Variants in LRRC37A2 observed in about 807,000 individuals in gnomAD.
LRRC37A2 encodes the protein leucine rich repeat containing 37 member A2.
Under a neutral mutation model 68.8 loss-of-function variants are expected in LRRC37A2, and 9 were observed. The observed-to-expected ratio is 0.13, with a 90% CI of 0.08 to 0.23. The LOEUF (loss-of-function observed/expected upper bound fraction) is 0.23. LRRC37A2 is among the 10% of genes least tolerant of loss of function. LRRC37A2 has a pLI of 1.00. For synonymous variants in LRRC37A2, 63 were observed against 367.6 expected (o/e 0.17, Z 9.48); for missense variants, 168 against 950.4 (o/e 0.18, Z 10.82).
chr17:46,760,356 AGGCAGGGT>A, the LRRC37A2 span, among the ~76,000 whole-genome samples: 1 of 152,088 alleles, frequency 6.6e-6, no homozygotes, highest in Non-Finnish European at 1.5e-5. Context: ...AGTACTGGCC[AGGCAGGGT>A]GGCTCATGCC....
chr17:46,742,997 TTCC>T, the LRRC37A2 span, among the ~76,000 whole-genome samples: 2 of 152,094 alleles, frequency 1.3e-5, no homozygotes, highest in African/African-American at 4.8e-5. Context: ...CTGAGCCAAT[TTCC>T]TCCTCAGAAG....
intron 6 of LRRC37A2, among the ~76,000 whole-genome samples, chr17:46,531,350 TG>T (rs2053619600): frequency 1.4e-5 from 1 of 71,130 alleles, no homozygotes; most frequent in Non-Finnish European, 2.5e-5. Flanking sequence ...AGTATCTCGC[TG>T]CAGTTTTTGA....
At chr17:46,722,221 G>C in the LRRC37A2 span, 1 of 1,397,620 alleles carries the variant, frequency 7.2e-7, no homozygotes, top group South Asian at 1.2e-5. Context: ...CCCAAATCTC[G>C]CGAGAGCACG....
the LRRC37A2 span, among the ~76,000 whole-genome samples, chr17:46,879,996 T>C: frequency 1.3e-5 from 2 of 152,234 alleles, no homozygotes; most frequent in Non-Finnish European, 2.9e-5. Context: ...GAATTTTGAT[T>C]GCTCTCATTT....
chr17:46,824,572 C>T, the LRRC37A2 span, among the ~76,000 whole-genome samples: 1 of 152,224 alleles, frequency 6.6e-6, no homozygotes, highest in Non-Finnish European at 1.5e-5. Context: ...ACATAGCAGA[C>T]ATATCTGCTC....
At chr17:46,935,768 G>A in the LRRC37A2 span, 1,356 of 987,052 alleles carry the variant, frequency 1.4e-3, 1 homozygote, top group Middle Eastern at 8.4e-3. Flanking sequence ...TGGCACTGCT[G>A]AGACTCCAGC....
the LRRC37A2 span, among the ~76,000 whole-genome samples, chr17:46,900,194 TATATATATACACACACACACAC>T: frequency 2.0e-5 from 2 of 101,784 alleles, no homozygotes; most frequent in African/African-American, 1.1e-4. Context: ...TATATATATA[TATATATATACACACACACACAC>T]ACACATATAT....
At chr17:46,833,224 C>T in the LRRC37A2 span, 253 of 410,730 alleles carry the variant, frequency 6.2e-4, 1 homozygote, top group African/African-American at 4.1e-3. Flanking sequence ...GCAGCATGTG[C>T]GTGGAAGCTG....
the LRRC37A2 span, among the ~76,000 whole-genome samples, chr17:46,790,132 C>T: frequency 6.6e-6 from 1 of 152,180 alleles, no homozygotes; most frequent in Non-Finnish European, 1.5e-5. Flanking sequence ...TTTTCCTCTG[C>T]ACCTCCTTCC....
At chr17:46,731,802 C>A in the LRRC37A2 span, among the ~76,000 whole-genome samples, 4 of 152,146 alleles carry the variant, frequency 2.6e-5, no homozygotes, top group Non-Finnish European at 4.4e-5. Flanking sequence ...CCTGGACTGC[C>A]AGATTACCTG....
chr17:46,887,765 A>G, the LRRC37A2 span, among the ~76,000 whole-genome samples: 1,921 of 150,836 alleles, frequency 0.013, 52 homozygotes, highest in African/African-American at 0.044. Flanking sequence ...CTCCCTGTCC[A>G]AAAGAAAGAA....
At chr17:46,938,302 T>C in the LRRC37A2 span, among the ~76,000 whole-genome samples, 3 of 152,366 alleles carry the variant, frequency 2.0e-5, no homozygotes, top group Admixed American at 2.0e-4. Flanking sequence ...TTTACACACA[T>C]ATCTGTAAGA....
At chr17:46,817,021 G>A in the LRRC37A2 span, among the ~76,000 whole-genome samples, 3 of 152,128 alleles carry the variant, frequency 2.0e-5, no homozygotes, top group Admixed American at 1.3e-4. Flanking sequence ...CCAGCCCCCC[G>A]GAAAAGTGTG....
At chr17:46,991,615 AAAAAT>A in the LRRC37A2 span, among the ~76,000 whole-genome samples, 531 of 150,554 alleles carry the variant, frequency 3.5e-3, 6 homozygotes, top group Admixed American at 0.031. Flanking sequence ...TCCATCTCAA[AAAAAT>A]AAAATAAAAT....
chr17:46,876,869 T>G, the LRRC37A2 span: 3 of 1,396,256 alleles, frequency 2.1e-6, no homozygotes, highest in South Asian at 5.6e-5. Context: ...TCACCACCAT[T>G]CCTTGGCCAG....
the LRRC37A2 span, among the ~76,000 whole-genome samples, chr17:47,043,372 A>G: frequency 1.8e-4 from 27 of 150,742 alleles, no homozygotes; most frequent in African/African-American, 6.0e-4. Flanking sequence ...GGTGGCGGGC[A>G]CCTGTAATCC....
the LRRC37A2 span, among the ~76,000 whole-genome samples, chr17:46,907,753 G>C: frequency 9.2e-5 from 14 of 151,808 alleles, no homozygotes; most frequent in South Asian, 4.2e-4. Flanking sequence ...TCAGCGGGGG[G>C]GGTGAGGCAG....
chr17:46,551,075 C>T (rs1296541040), intron 11 of LRRC37A2, among the ~76,000 whole-genome samples: 1 of 150,068 alleles, frequency 6.7e-6, no homozygotes, highest in Non-Finnish European at 1.5e-5. Context: ...TTTAAGTTCA[C>T]TGGTGAGGGG....
At chr17:46,980,716 C>T in the LRRC37A2 span, among the ~76,000 whole-genome samples, 1 of 148,450 alleles carries the variant, frequency 6.7e-6, no homozygotes, top group African/African-American at 2.4e-5. Flanking sequence ...GCCTGTAGTC[C>T]CAGCTACTCA....
Sources: gnomAD v4.1 joint callset for allele counts (sites outside exome capture counted in the v4.1 genomes callset) on GRCh38, gnomAD v4.1.1 for gene constraint, MANE v1.5 for transcripts, NCBI Gene and HGNC (gene_info 2026-07-23, HGNC 2026-07-21) for gene names.